Variants in GABRG1 observed in about 807,000 individuals in gnomAD.
The protein encoded by GABRG1 is gamma-aminobutyric acid type A receptor subunit gamma1, also known as gamma-aminobutyric acid receptor subunit gamma-1.
In GABRG1, 49 loss-of-function variants were observed where a neutral mutation model predicts 49.8. The ratio of observed to expected loss-of-function variants is 0.98; its 90% CI spans 0.78 to 1.25. GABRG1 has a LOEUF of 1.25. Among genes scored for constraint, GABRG1 ranks in the 50% most tolerant of loss-of-function variants. GABRG1 has a pLI of 0.00. For missense variants in GABRG1, 552 were observed against 552.3 expected (o/e 1.00, Z 0.01); for synonymous variants, 232 against 185.1 (o/e 1.25, Z -2.06).
Position 46,058,338 on chromosome 4 carries a change from G to T in GABRG1, c.795C>A (p.Asp265Glu), listed in dbSNP as rs185565097. The part of the protein sequence containing the change: ...GDYVIMTIFF[D>E]LSRRMGYFTI... ...TGAAATATCCCATTCTTCTGCTCAG[G>T]TCAAAAAAAATTGTCATGATAACAT... The change falls in exon 7 of 9, where the codon GAC becomes GAA. Residue 265 changes from aspartate (D) to glutamate (E), a missense_variant. Physicochemically the swap from Asp to Glu is conservative, Grantham distance 45. Transcript: ENST00000295452. 3.7e-6 allele frequency: 6 copies of T among 1,610,740 alleles called. No individual in the cohort carries two copies. In the East Asian group the frequency reaches 6.7e-5, roughly 18 times the overall value.
At chr4:46,111,809 C>T (rs540820338) in intron 1 of GABRG1, among the ~76,000 whole-genome samples, 1 of 151,260 alleles carries the variant, frequency 6.6e-6, no homozygotes, top group South Asian at 2.1e-4. Flanking sequence ...TGAAATGGGA[C>T]CCTTAACTTG....
At chr4:46,052,155 T>G (rs1450185394) in intron 7 of GABRG1, among the ~76,000 whole-genome samples, 2 of 151,676 alleles carry the variant, frequency 1.3e-5, no homozygotes, top group Non-Finnish European at 2.9e-5. Flanking sequence ...GAAATTAAAT[T>G]TACTCACAAT....
intron 3 of GABRG1, among the ~76,000 whole-genome samples, chr4:46,070,340 A>G (rs1489900018): frequency 6.6e-6 from 1 of 151,980 alleles, no homozygotes; most frequent in African/African-American, 2.4e-5. Flanking sequence ...AAAAATCAAA[A>G]GAGTAAAATA....
intron 1 of GABRG1, among the ~76,000 whole-genome samples, chr4:46,108,081 T>C (rs1486674861): frequency 2.6e-5 from 4 of 151,296 alleles, no homozygotes; most frequent in South Asian, 2.1e-4. Context: ...AAAATTATTA[T>C]ATTAGTAAAT....
chr4:46,112,774 ATT>A (rs1379678484), intron 1 of GABRG1, among the ~76,000 whole-genome samples: 2 of 151,136 alleles, frequency 1.3e-5, no homozygotes, highest in Admixed American at 6.6e-5. Flanking sequence ...AATGGGGACT[ATT>A]AGAGAGGGCA....
intron 8 of GABRG1, among the ~76,000 whole-genome samples, chr4:46,044,832 T>G (rs1354928351): frequency 6.6e-6 from 1 of 152,158 alleles, no homozygotes; most frequent in East Asian, 1.9e-4. Flanking sequence ...CACTCATCTC[T>G]AAACTCTATA....
In GABRG1 at chr4:46,064,446, G is replaced by A; in HGVS notation, c.620C>T (p.Ser207Leu). Residue 207 changes from serine (S) to leucine (L), a missense_variant, in exon 5 of 9, where the codon TCA becomes TTA. Physicochemically the swap from Ser to Leu is moderately radical, Grantham distance 145. Transcript: ENST00000295452. ...TCAAGTGTTTTGTTACTTACAGCTT[G>A]AAAATTCCAGTGGACAGGAATGTTC... ...MDEHSCPLEF[S>L]SYGYPKNEIE... The A allele has an allele frequency of 2.6e-6, 4 of 1,511,682 alleles. No homozygotes were observed. Among genetic ancestry groups the A allele is most frequent in the Non-Finnish European group, 3.6e-6 (4 of 1,125,542 alleles). The allele number at this position is 1,511,682 out of a possible 1,614,324, so 93.6% of individuals were successfully genotyped here.
At chr4:46,055,022 C>T (rs1718378443) in intron 7 of GABRG1, among the ~76,000 whole-genome samples, 1 of 91,418 alleles carries the variant, frequency 1.1e-5, no homozygotes, top group Non-Finnish European at 2.1e-5. Flanking sequence ...TAGGCATTAC[C>T]ATTCAGGACA....
intron 1 of GABRG1, 95 bp from the exon 2 acceptor site, chr4:46,097,444 A>G: frequency 8.3e-7 from 1 of 1,211,626 alleles, no homozygotes; most frequent in Non-Finnish European, 1.1e-6. Flanking sequence ...GTAAGAAAGT[A>G]ATAATGGCAG....
chr4:46,079,998 T>A (rs546108904), intron 3 of GABRG1, among the ~76,000 whole-genome samples: 1 of 151,960 alleles, frequency 6.6e-6, no homozygotes, highest in Admixed American at 6.6e-5. Flanking sequence ...TTGAACAGCT[T>A]CTTTCCAAGT....
chr4:46,110,600 C>T (rs1054628890), intron 1 of GABRG1, among the ~76,000 whole-genome samples: 4 of 150,930 alleles, frequency 2.7e-5, no homozygotes, highest in African/African-American at 9.7e-5. Context: ...TGCAAAAACC[C>T]TCAAAATAAA....
chr4:46,061,352 A>C (rs1282779062), intron 5 of GABRG1, among the ~76,000 whole-genome samples: 1 of 148,714 alleles, frequency 6.7e-6, no homozygotes, highest in Non-Finnish European at 1.5e-5. Flanking sequence ...AATAAAAGGC[A>C]AAAAAAAATG....
chr4:46,059,957 C>T (rs941078121), intron 5 of GABRG1, among the ~76,000 whole-genome samples: 5 of 151,570 alleles, frequency 3.3e-5, no homozygotes, highest in African/African-American at 1.2e-4. Flanking sequence ...TTATTTTTTC[C>T]TCTCTTTTTA....
At chr4:46,112,226 C>T (rs568897631) in intron 1 of GABRG1, among the ~76,000 whole-genome samples, 1 of 151,262 alleles carries the variant, frequency 6.6e-6, no homozygotes, top group East Asian at 2.0e-4. Flanking sequence ...GGCCAGCAAA[C>T]ATAGGGAACA....
At chr4:46,064,733 C>G (rs1718842358) in intron 4 of GABRG1, among the ~76,000 whole-genome samples, 1 of 151,994 alleles carries the variant, frequency 6.6e-6, no homozygotes. Context: ...CCTCTTCAGT[C>G]AACTAGGTTA....
At chr4:46,102,489 C>T (rs1720414660) in intron 1 of GABRG1, among the ~76,000 whole-genome samples, 2 of 151,698 alleles carry the variant, frequency 1.3e-5, no homozygotes, top group East Asian at 2.0e-4. Flanking sequence ...ACGTTTCAAA[C>T]ATCTTTGTTA....
chr4:46,076,899 A>G (rs1251098681), intron 3 of GABRG1, among the ~76,000 whole-genome samples: 1 of 151,752 alleles, frequency 6.6e-6, no homozygotes, highest in Non-Finnish European at 1.5e-5. Context: ...GGGTGTGTAT[A>G]TATATAGCCT....
At chr4:46,044,422 A>C (rs1717908452) in intron 8 of GABRG1, among the ~76,000 whole-genome samples, 1 of 151,878 alleles carries the variant, frequency 6.6e-6, no homozygotes, top group South Asian at 2.1e-4. Flanking sequence ...TTGAGGCTGC[A>C]GTGAGCTGTG....
intron 3 of GABRG1, among the ~76,000 whole-genome samples, chr4:46,069,590 G>A (rs1022450758): frequency 1.3e-5 from 2 of 152,104 alleles, no homozygotes; most frequent in Non-Finnish European, 2.9e-5. Flanking sequence ...ATACAGGAGA[G>A]AGATTCAAAA....
Sources: gnomAD v4.1 joint callset for allele counts (sites outside exome capture counted in the v4.1 genomes callset) on GRCh38, gnomAD v4.1.1 for gene constraint, MANE v1.5 for transcripts, NCBI Gene and HGNC (gene_info 2026-07-23, HGNC 2026-07-21) for gene names.